Variants in TRIM6 observed in about 807,000 individuals in gnomAD.
TRIM6 encodes tripartite motif containing 6, also known as tripartite motif-containing protein 6.
A neutral mutation model predicts 51.2 loss-of-function variants in TRIM6; 43 were observed. The ratio of observed to expected loss-of-function variants is 0.84; its 90% CI spans 0.66 to 1.08. The LOEUF is 1.08. TRIM6 is among the 50% of genes least tolerant of loss of function. The pLI is 0.00. For missense variants in TRIM6, 669 were observed against 619.0 expected, an observed-to-expected ratio of 1.08 and a Z score of -0.86; for synonymous variants, 215 against 232.4, an observed-to-expected ratio of 0.93 and a Z score of 0.68.
Position 5,611,026 on chromosome 11 carries a change from A to G in TRIM6, c.1235A>G (p.His412Arg), listed in dbSNP as rs1848546439. 1 of 1,614,092 alleles carries G rather than the reference A, an allele frequency of 6.2e-7. No homozygotes were observed. Among genetic ancestry groups the G allele is most frequent in the South Asian group, 1.1e-5 (1 of 91,076 alleles). The part of the protein sequence containing the change: ...NSLGPTFSFN[H>R]FAQNHSAYSR... ...CTGGGACCTACATTCTCTTTCAACC[A>G]TTTTGCTCAAAATCACAGTGCTTAC... is the stretch of plus-strand genomic sequence containing the variant. Residue 412 changes from histidine (H) to arginine (R), a missense_variant, in exon 8 of 8, where the codon CAT becomes CGT. Physicochemically the swap from His to Arg is conservative, Grantham distance 29. Coordinates refer to ENST00000380097, the MANE Select transcript of TRIM6 (RefSeq NM_001003818.3).
intron 7 of TRIM6, 34 bp downstream of exon 7, chr11:5,610,595 C>T (rs745932267): frequency 1.9e-5 from 30 of 1,604,238 alleles, no homozygotes; most frequent in Non-Finnish European, 2.2e-5. Flanking sequence ...TGGGCTGGCA[C>T]ATTCTGATCT....
chr11:5,596,432 G>A (rs1313537155), upstream of TRIM6, among the ~76,000 whole-genome samples: 2 of 136,984 alleles, frequency 1.5e-5, no homozygotes, highest in Non-Finnish European at 3.2e-5. Flanking sequence ...AGGCAGCTCT[G>A]GAAACTGCTT....
chr11:5,598,024 G>C (rs1847579384), intron 1 of TRIM6, among the ~76,000 whole-genome samples: 1 of 152,178 alleles, frequency 6.6e-6, no homozygotes, highest in African/African-American at 2.4e-5. Flanking sequence ...ACCTTTTTCA[G>C]GCGTCTGGTT....
rs1848577578 is a variant in TRIM6 at position 5,611,522 on chromosome 11, C to T, written c.*180C>T. ...AGGCTGGAGTGCACTGGCGCAATCTCGGCTCACTGCAACCTCTGCCTCCTG... is the reference window on the plus strand; with the variant it reads ...AGGCTGGAGTGCACTGGCGCAATCTTGGCTCACTGCAACCTCTGCCTCCTG... On this transcript the variant is annotated 3_prime_UTR_variant, in exon 8 of 8. Transcript: ENST00000380097. 5.1e-6 allele frequency: 3 copies of T among 584,240 alleles called. No individual in the cohort carries two copies. Among genetic ancestry groups the T allele is most frequent in the Non-Finnish European group, 8.9e-6 (3 of 336,502 alleles). The allele number at this position is 584,240 out of a possible 1,614,324, so 36.2% of individuals were successfully genotyped here.
intron 1 of TRIM6, among the ~76,000 whole-genome samples, chr11:5,600,026 G>T (rs1847740206): frequency 6.6e-6 from 1 of 152,160 alleles, no homozygotes; most frequent in East Asian, 1.9e-4. Flanking sequence ...GTTCCCACAG[G>T]TGTGATTAAT....
chr11:5,605,592 T>A (rs1482405401), intron 4 of TRIM6, 25 bp downstream of exon 4: 6 of 1,590,986 alleles, frequency 3.8e-6, no homozygotes, highest in Non-Finnish European at 4.3e-6. Flanking sequence ...GGAGCCCAGA[T>A]CTGAGAGTCA....
At chr11:5,608,515 C>A in intron 5 of TRIM6, 121 bp downstream of exon 5, 2 of 1,452,410 alleles carry the variant, frequency 1.4e-6, no homozygotes, top group Non-Finnish European at 1.9e-6. Flanking sequence ...AGTCTTGAAT[C>A]GCGCATCACA....
In TRIM6 at chr11:5,611,283, C is replaced by A. The variant is rs1848564154; in HGVS notation, c.1492C>A (p.Pro498Thr). Residue 498 changes from proline (P) to threonine (T), a missense_variant, in exon 8 of 8, where the codon CCA becomes ACA. Physicochemically the swap from Pro to Thr is conservative, Grantham distance 38. Transcript: ENST00000380097. ...ATATTACTTTCCCACTACTCTTTGT[C>A]CATATTTTAATCCTTGCAACTGTGT... Reference protein sequence around the residue: ...SKYYFPTTLCPYFNPCNCVIP... With the variant: ...SKYYFPTTLCTYFNPCNCVIP... The A allele has an allele frequency of 6.2e-7, 1 of 1,614,118 alleles. No homozygotes were observed.
chr11:5,610,468 GGA>G (rs759245153), intron 6 of TRIM6, 65 bp from the exon 7 acceptor site: 1 of 1,612,624 alleles, frequency 6.2e-7, no homozygotes, highest in Non-Finnish European at 8.5e-7. Context: ...AATGTAGTAA[GGA>G]GAGAGATACC....
In TRIM6 at chr11:5,612,550, TAAAG is replaced by T. The variant is rs1179213520; in HGVS notation, c.*1209_*1212del. Reference sequence around the variant, plus strand: ...GAAAATATGAACAATATAAAGCACTTAAAGGAAGAGGATGATTTCTTCCAGCTTT... The same window carrying T: ...GAAAATATGAACAATATAAAGCACTTGAAGAGGATGATTTCTTCCAGCTTT... On this transcript the variant is annotated 3_prime_UTR_variant, in exon 8 of 8. Coordinates refer to ENST00000380097, the MANE Select transcript of TRIM6 (RefSeq NM_001003818.3). 1 of 152,174 alleles carries T rather than the reference TAAAG, an allele frequency of 6.6e-6. No homozygotes were observed. Among genetic ancestry groups the T allele is most frequent in the Admixed American group, 6.5e-5 (1 of 15,276 alleles). 9.4% of individuals were successfully genotyped at this position (152,174 alleles called of 1,614,324 possible).
At chr11:5,608,305 G>A in intron 4 of TRIM6, 67 bp from the exon 5 acceptor site, 1 of 1,603,168 alleles carries the variant, frequency 6.2e-7, no homozygotes, top group Non-Finnish European at 8.5e-7. Context: ...AGGGGACATG[G>A]AAGGAGAAAT....
chr11:5,604,781 CAG>C (rs748814360), intron 3 of TRIM6, 152 bp downstream of exon 3: 432 of 723,120 alleles, frequency 6.0e-4, no homozygotes, highest in Non-Finnish European at 6.5e-4. Context: ...TCCTTCCAAA[CAG>C]GGGGAGGAGA....
intron 1 of TRIM6, among the ~76,000 whole-genome samples, chr11:5,599,637 T>C (rs892896066): frequency 1.2e-4 from 18 of 152,088 alleles, no homozygotes; most frequent in African/African-American, 3.9e-4. Context: ...TCTCCTGACC[T>C]TGTGATCCGC....
At chr11:5,604,688 C>A in intron 3 of TRIM6, 59 bp downstream of exon 3, 1 of 1,563,316 alleles carries the variant, frequency 6.4e-7, no homozygotes, top group Non-Finnish European at 8.7e-7. Context: ...GTCATAGGAG[C>A]TGAGGGCAAA....
At chr11:5,600,694 C>CTA (rs33930296) in intron 1 of TRIM6, among the ~76,000 whole-genome samples, 96,549 of 151,784 alleles carry the variant, frequency 0.64, 30,821 homozygotes, top group Middle Eastern at 0.8. Flanking sequence ...CCCACACGGA[C>CTA]TGTTTTTTAC....
At chr11:5,603,114 A>T in intron 1 of TRIM6, 132 bp from the exon 2 acceptor site, 1 of 1,436,638 alleles carries the variant, frequency 7.0e-7, no homozygotes, top group South Asian at 1.5e-5. Flanking sequence ...TAAAGAACGT[A>T]TTGGATATGA....
In TRIM6 at chr11:5,608,747, C is replaced by T. The variant is rs146012348; in HGVS notation, c.857+353C>T. On this transcript the variant is annotated intron_variant, in intron 5 of 7. Transcript: ENST00000380097. ...CAGTATCAGTGACTCCCCAAGTACC[C>T]TGTTAGTGTACTTTTCCATAAACCT... is the stretch of plus-strand genomic sequence containing the variant. 5.7e-4 allele frequency among the ~76,000 whole-genome samples: 87 copies of T among 152,004 alleles called. No individual in the cohort carries two copies. In the East Asian group the frequency reaches 0.013, roughly 23 times the overall value.
intron 1 of TRIM6, 99 bp downstream of exon 1, chr11:5,597,013 A>T (rs1047075545): frequency 6.3e-7 from 1 of 1,581,534 alleles, no homozygotes; most frequent in African/African-American, 1.4e-5. Flanking sequence ...GGAACTCATT[A>T]TATCTTTATT....
chr11:5,603,793 G>C (rs1277006567), intron 2 of TRIM6, 58 bp downstream of exon 2: 9 of 1,583,490 alleles, frequency 5.7e-6, no homozygotes, highest in Non-Finnish European at 7.7e-6. Context: ...AGGTTTTAAC[G>C]TTTTATCATG....
Sources: allele counts gnomAD v4.1 joint callset (sites outside exome capture counted in the v4.1 genomes callset), GRCh38; gene constraint gnomAD v4.1.1; transcripts MANE v1.5; gene names NCBI Gene and HGNC (gene_info 2026-07-23, HGNC 2026-07-21).